Variants in ZNF626 observed in about 807,000 individuals in gnomAD.
The protein encoded by ZNF626 is zinc finger protein 626.
Under a neutral mutation model 11.7 loss-of-function variants are expected in ZNF626, and 4 were observed. That is an observed-to-expected ratio of 0.34 (90% CI 0.17 to 0.78). The LOEUF is 0.78. Ranked by LOEUF, ZNF626 falls within the 30% of genes least tolerant of loss-of-function variation. The pLI, the probability that ZNF626 is intolerant of heterozygous loss-of-function variation, is 0.57. For synonymous variants in ZNF626, 179 were observed against 198.6 expected (o/e 0.90, Z 0.83); for missense variants, 588 against 587.1 (o/e 1.00, Z -0.01).
intron 1 of ZNF626, among the ~76,000 whole-genome samples, chr19:20,658,520 C>T (rs937645310): frequency 3.9e-5 from 6 of 152,242 alleles, no homozygotes; most frequent in Middle Eastern, 3.4e-3. Context: ...ACTCTTTCCT[C>T]TAAGTTTTCA....
chr19:20,655,109 CAA>C (rs35688904), intron 1 of ZNF626, among the ~76,000 whole-genome samples: 61,725 of 138,686 alleles, frequency 0.45, 13,180 homozygotes, highest in East Asian at 0.62. Flanking sequence ...GAGACTGTCT[CAA>C]AAAAAAAAAA....
intron 1 of ZNF626, among the ~76,000 whole-genome samples, chr19:20,647,087 C>A (rs1249685765): frequency 2.6e-5 from 4 of 152,128 alleles, no homozygotes; most frequent in Admixed American, 2.0e-4. Flanking sequence ...CTCAGGTGAT[C>A]TGCCCACTTT....
chr19:20,647,707 C>T (rs1970097464), intron 1 of ZNF626, among the ~76,000 whole-genome samples: 6 of 151,782 alleles, frequency 4.0e-5, no homozygotes, highest in Admixed American at 3.9e-4. Flanking sequence ...GGGATGGTCT[C>T]GATCTCCTGA....
chr19:20,631,918 G>A (rs1210838236), intron 3 of ZNF626, among the ~76,000 whole-genome samples: 11 of 151,826 alleles, frequency 7.2e-5, no homozygotes, highest in East Asian at 5.8e-4. Flanking sequence ...ATTTTGCAGC[G>A]GCTGGTACCG....
At chr19:20,630,885 T>C (rs1555770290) in intron 3 of ZNF626, among the ~76,000 whole-genome samples, 1 of 151,972 alleles carries the variant, frequency 6.6e-6, no homozygotes, top group East Asian at 1.9e-4. Context: ...ATTTTAGATC[T>C]TTCCTGCTTT....
At position 20,651,979 on chromosome 19, in the gene ZNF626, G is replaced by A. The variant is rs531513746; in HGVS notation, c.4-5574C>T. On this transcript the variant is annotated intron_variant, in intron 1 of 3. Transcript: ENST00000601440. ...TCATCAGATTCTATTTCCTTCTGGAGGTTCTCACATCACTGTAGCAGGTCA... is the reference window on the plus strand; with the variant it reads ...TCATCAGATTCTATTTCCTTCTGGAAGTTCTCACATCACTGTAGCAGGTCA... 2.6e-5 allele frequency among the ~76,000 whole-genome samples: 4 copies of A among 152,130 alleles called. No homozygotes were observed. The South Asian group carries it at 8.3e-4, about 32-fold the overall frequency.
intron 1 of ZNF626, among the ~76,000 whole-genome samples, chr19:20,654,634 G>A (rs1391145957): frequency 4.0e-5 from 6 of 151,536 alleles, no homozygotes; most frequent in African/African-American, 7.3e-5. Flanking sequence ...GCATGAACCC[G>A]GGAGGCGGAG....
chr19:20,639,333 A>T (rs1379705416), intron 3 of ZNF626, among the ~76,000 whole-genome samples: 3 of 152,218 alleles, frequency 2.0e-5, no homozygotes, highest in African/African-American at 7.2e-5. Flanking sequence ...TTATAGACCA[A>T]CTAGGCTTCA....
chr19:20,655,924 G>A (rs1421490636), intron 1 of ZNF626, among the ~76,000 whole-genome samples: 6 of 149,762 alleles, frequency 4.0e-5, no homozygotes, highest in African/African-American at 1.5e-4. Flanking sequence ...GGCAGAGCGA[G>A]ACTTTGCCTC....
chr19:20,650,246 T>TA lies in ZNF626; in HGVS notation c.4-3842dup, dbSNP rs74172355. Reference sequence around the variant, plus strand: ...TCTGTTTCTCTGCCATCAAATTTGTTAAAAAAAAAAACCATAAAAAATTAA... The same window carrying TA: ...TCTGTTTCTCTGCCATCAAATTTGTTAAAAAAAAAAAACCATAAAAAATTAA... On this transcript the variant is annotated intron_variant, in intron 1 of 3. Coordinates refer to ENST00000601440, the MANE Select transcript of ZNF626 (RefSeq NM_001076675.3). Among the ~76,000 whole-genome samples the TA allele has an allele frequency of 8.4e-3, 1,220 of 144,820 alleles. 8 individuals are homozygous for TA. The highest frequency in any genetic ancestry group is 0.02 in the African/African-American group (811 of 39,608).
intron 3 of ZNF626, among the ~76,000 whole-genome samples, chr19:20,632,505 C>G (rs1161132473): frequency 1.3e-5 from 2 of 152,082 alleles, no homozygotes; most frequent in Non-Finnish European, 2.9e-5. Context: ...TCTTTTTTCT[C>G]TAAACTTCTC....
At chr19:20,641,709 T>C (rs1337834946) in intron 3 of ZNF626, among the ~76,000 whole-genome samples, 1 of 151,062 alleles carries the variant, frequency 6.6e-6, no homozygotes, top group African/African-American at 2.4e-5. Flanking sequence ...CACACCACGA[T>C]GCCTGACTCT....
intron 3 of ZNF626, among the ~76,000 whole-genome samples, chr19:20,627,932 C>T (rs1398988286): frequency 6.6e-6 from 1 of 152,158 alleles, no homozygotes; most frequent in African/African-American, 2.4e-5. Flanking sequence ...CTCCCCCTGC[C>T]CCTGACGCCA....
At chr19:20,659,280 C>T (rs73010261) in intron 1 of ZNF626, among the ~76,000 whole-genome samples, 13,974 of 152,044 alleles carry the variant, frequency 0.092, 691 homozygotes, top group South Asian at 0.14. Flanking sequence ...CGCTCGGCCA[C>T]CCAGGCTGGA....
At chr19:20,659,675 T>C (rs1201691820) in intron 1 of ZNF626, among the ~76,000 whole-genome samples, 3 of 152,182 alleles carry the variant, frequency 2.0e-5, no homozygotes, top group African/African-American at 4.8e-5. Context: ...GAAGATTTTT[T>C]AGTTAGCTGG....
chr19:20,652,034 C>A (rs1970151342), intron 1 of ZNF626, among the ~76,000 whole-genome samples: 1 of 152,162 alleles, frequency 6.6e-6, no homozygotes, highest in African/African-American at 2.4e-5. Flanking sequence ...TCTCACAGAA[C>A]CACACTCCCA....
intron 1 of ZNF626, among the ~76,000 whole-genome samples, chr19:20,660,902 A>T (rs530903555): frequency 6.6e-6 from 1 of 152,166 alleles, no homozygotes; most frequent in Non-Finnish European, 1.5e-5. Context: ...GGGTTGATTT[A>T]CAACTTTTAC....
Position 20,624,042 on chromosome 19 carries a change from C to A in ZNF626, c.*248G>T. The A allele has an allele frequency of 1.4e-6, 1 of 714,424 alleles. No homozygotes were observed. The highest frequency in any genetic ancestry group is 2.5e-6 in the Non-Finnish European group (1 of 401,962). 44.3% of individuals were successfully genotyped at this position (714,424 alleles called of 1,614,324 possible). On this transcript the variant is annotated 3_prime_UTR_variant, in exon 4 of 4. Coordinates refer to ENST00000601440, the MANE Select transcript of ZNF626 (RefSeq NM_001076675.3). ...ATGGTTTCTCTCCAGTATGAATTAT[C>A]TTATGTGCAGTAAGGTGTGAGGATA...
At position 20,639,359 on chromosome 19, in the gene ZNF626, C is replaced by A. The variant is rs190106109; in HGVS notation, c.226+6325G>T. On this transcript the variant is annotated intron_variant, in intron 3 of 3. Coordinates refer to ENST00000601440, the MANE Select transcript of ZNF626 (RefSeq NM_001076675.3). ...CTAGGCTTCACAGATGCATACAAAA[C>A]TTTCCAGTCAAAACCAAGATAATAC... Among the ~76,000 whole-genome samples the A allele has an allele frequency of 3.3e-5, 5 of 152,312 alleles. No individual in the cohort carries two copies. In the East Asian group the frequency reaches 9.6e-4, roughly 29 times the overall value.
Sources: allele counts gnomAD v4.1 joint callset (sites outside exome capture counted in the v4.1 genomes callset), GRCh38; gene constraint gnomAD v4.1.1; transcripts MANE v1.5; gene names NCBI Gene and HGNC (gene_info 2026-07-23, HGNC 2026-07-21).